The following AFF3 variants were observed in gnomAD, a reference collection of about 807,000 sequenced individuals.
AFF3 encodes ALF transcription elongation factor 3, also known as AF4/FMR2 family member 3.
In AFF3, 32 loss-of-function variants were observed where a neutral mutation model predicts 129.7. The ratio of observed to expected loss-of-function variants is 0.25; its 90% CI spans 0.19 to 0.33. AFF3 has a LOEUF of 0.33. Ranked by LOEUF, AFF3 falls within the 10% of genes least tolerant of loss-of-function variation. The pLI is 1.00. For missense variants in AFF3, 1,373 were observed against 1,592.0 expected (o/e 0.86, Z 2.34); for synonymous variants, 644 against 635.4 (o/e 1.01, Z -0.20).
intron 7 of AFF3, among the ~76,000 whole-genome samples, chr2:99,891,184 C>T (rs927485183): frequency 6.6e-6 from 1 of 151,870 alleles, no homozygotes; most frequent in Non-Finnish European, 1.5e-5. Context: ...ATAACTTCAG[C>T]GAGATCTGGA....
Position 99,939,079 on chromosome 2 carries a change from T to C in AFF3, c.873+67553A>G, listed in dbSNP as rs561149949. Among the ~76,000 whole-genome samples, 20 of 152,346 alleles carry C rather than the reference T, an allele frequency of 1.3e-4. No individual in the cohort carries two copies. The South Asian group carries it at 3.9e-3, about 30-fold the overall frequency. On this transcript the variant is annotated intron_variant, in intron 7 of 24. Coordinates refer to ENST00000672756, the MANE Select transcript of AFF3 (RefSeq NM_001386135.1). The stretch of plus-strand genomic sequence containing the variant: ...GGAAGCACTGTTGCTCTCTCTCTCT[T>C]GGTCTGACATATCCTATTAATCTAA...
intron 8 of AFF3, among the ~76,000 whole-genome samples, chr2:99,785,258 G>A (rs953897913): frequency 6.6e-6 from 1 of 152,132 alleles, no homozygotes; most frequent in African/African-American, 2.4e-5. Flanking sequence ...AAGTGAAATC[G>A]AGAATTACAG....
At chr2:99,553,917 C>CAAAAAAAAAAAAAAAAA (rs1674649199) in intron 24 of AFF3, among the ~76,000 whole-genome samples, 27 of 72,442 alleles carry the variant, frequency 3.7e-4, no homozygotes, top group Admixed American at 9.1e-4. Flanking sequence ...CTGTCTCAAA[C>CAAAAAAAAAAAAAAAAA]CAAAAAAAAA....
intron 7 of AFF3, among the ~76,000 whole-genome samples, chr2:99,867,852 T>C (rs1359308659): frequency 3.3e-5 from 5 of 152,152 alleles, no homozygotes; most frequent in African/African-American, 9.7e-5. Context: ...CACTGGGGCA[T>C]TCCAGACTCT....
intron 8 of AFF3, among the ~76,000 whole-genome samples, chr2:99,805,988 G>A (rs1350058842): frequency 6.6e-6 from 1 of 151,730 alleles, no homozygotes; most frequent in Non-Finnish European, 1.5e-5. Context: ...ATTCTCAAAT[G>A]ACAACTTATT....
chr2:99,723,079 G>A (rs1252499832), intron 11 of AFF3, among the ~76,000 whole-genome samples: 1 of 152,150 alleles, frequency 6.6e-6, no homozygotes, highest in African/African-American at 2.4e-5. Flanking sequence ...CTATCTGCAG[G>A]AGAGTTAGTC....
At chr2:99,697,146 G>T (rs1161062865) in intron 11 of AFF3, among the ~76,000 whole-genome samples, 1 of 152,216 alleles carries the variant, frequency 6.6e-6, no homozygotes, top group Admixed American at 6.5e-5. Flanking sequence ...CCTAGCTCTT[G>T]ATAAGCAGAG....
chr2:99,634,493 C>G (rs375324729), intron 13 of AFF3, among the ~76,000 whole-genome samples: 6 of 152,088 alleles, frequency 3.9e-5, no homozygotes, highest in African/African-American at 1.4e-4. Context: ...GACTGAAGGC[C>G]GGTGCCCAGA....
chr2:99,970,441 G>A lies in AFF3; in HGVS notation c.873+36191C>T, dbSNP rs541245392. 7.9e-5 allele frequency among the ~76,000 whole-genome samples: 12 copies of A among 152,226 alleles called. No homozygotes were observed. The East Asian group carries it at 2.1e-3, about 27-fold the overall frequency. On this transcript the variant is annotated intron_variant, in intron 7 of 24. Transcript: ENST00000672756. ...TTTCCTTTCTTCATTACTAAGTTTG[G>A]TTTAGAATCAATATCTCTATTTCAT...
intron 8 of AFF3, among the ~76,000 whole-genome samples, chr2:99,824,721 C>T (rs1272327063): frequency 6.6e-6 from 1 of 152,054 alleles, no homozygotes; most frequent in African/African-American, 2.4e-5. Flanking sequence ...TGAAGAGGTC[C>T]ACCTACCCTG....
intron 9 of AFF3, among the ~76,000 whole-genome samples, chr2:99,751,284 G>A (rs1166891290): frequency 6.6e-6 from 1 of 152,034 alleles, no homozygotes; most frequent in Non-Finnish European, 1.5e-5. Context: ...GTAGAGATTG[G>A]GTTTCAGCAT....
At chr2:100,129,968 G>A (rs1692356398) in intron 1 of AFF3, among the ~76,000 whole-genome samples, 1 of 152,164 alleles carries the variant, frequency 6.6e-6, no homozygotes, top group Admixed American at 6.5e-5. Context: ...ACTCAATGAA[G>A]CCTTTACACG....
chr2:99,593,165 C>G lies in AFF3; in HGVS notation c.2466+30G>C, dbSNP rs62154469. The G allele has an allele frequency of 7.2e-6, 11 of 1,520,090 alleles. No individual in the cohort carries two copies. In the Admixed American group the frequency reaches 2.2e-4, roughly 31 times the overall value. 94.2% of individuals were successfully genotyped at this position (1,520,090 alleles called of 1,614,324 possible). ...AAGAGATAGCCCCTTCCCCTCCACG[C>G]CCCCGCACCCCAGTCAGCCCCAGGC... On this transcript the variant is annotated intron_variant, in intron 15 of 24. Coordinates refer to ENST00000672756, the MANE Select transcript of AFF3 (RefSeq NM_001386135.1).
chr2:99,546,923 T>C lies in AFF3; in HGVS notation c.*4551A>G, dbSNP rs1674091351. ...CTCAAGCTTCCTGTTGAGCCTTCACTGGGACACTGGGAGCGTGCATGTGCA... is the reference window on the plus strand; with the variant it reads ...CTCAAGCTTCCTGTTGAGCCTTCACCGGGACACTGGGAGCGTGCATGTGCA... On this transcript the variant is annotated 3_prime_UTR_variant, in exon 25 of 25. Coordinates refer to ENST00000672756, the MANE Select transcript of AFF3 (RefSeq NM_001386135.1). 4.5e-6 allele frequency: 1 copy of C among 220,954 alleles called. No individual in the cohort carries two copies. The highest frequency in any genetic ancestry group is 9.1e-6 in the Non-Finnish European group (1 of 110,458). The allele number at this position is 220,954 out of a possible 1,614,324, so 13.7% of individuals were successfully genotyped here. A position where few individuals can be genotyped will look rare whatever the true frequency, so the allele number is the denominator to read the frequency against.
chr2:99,747,191 GCTAA>G (rs554478812), intron 9 of AFF3, among the ~76,000 whole-genome samples: 93 of 152,136 alleles, frequency 6.1e-4, no homozygotes, highest in African/African-American at 1.9e-3. Flanking sequence ...ACCAGGCCCT[GCTAA>G]CTTTTTGTAT....
At chr2:99,691,994 T>A (rs951770052) in intron 11 of AFF3, among the ~76,000 whole-genome samples, 3 of 152,232 alleles carry the variant, frequency 2.0e-5, no homozygotes, top group Non-Finnish European at 4.4e-5. Flanking sequence ...GAAGGCTTTA[T>A]GTACATTTCT....
chr2:99,929,582 C>T (rs1038201092), intron 7 of AFF3, among the ~76,000 whole-genome samples: 1 of 152,126 alleles, frequency 6.6e-6, no homozygotes, highest in Non-Finnish European at 1.5e-5. Flanking sequence ...TATTAATAAT[C>T]TGAATAAACA....
chr2:99,802,934 T>C lies in AFF3; in HGVS notation c.921+34543A>G, dbSNP rs1048461045. Among the ~76,000 whole-genome samples, 53 of 152,140 alleles carry C rather than the reference T, an allele frequency of 3.5e-4. 1 individual carries two copies. Among genetic ancestry groups the C allele is most frequent in the African/African-American group, 4.8e-5 (2 of 41,444 alleles). On this transcript the variant is annotated intron_variant, in intron 8 of 24. Transcript: ENST00000672756. Reference sequence around the variant, plus strand: ...ATAGTTTGACTTCCTCTTTTCCAATTTGAATGCCCTTTAGTTCCTTCTCTT... The same window carrying C: ...ATAGTTTGACTTCCTCTTTTCCAATCTGAATGCCCTTTAGTTCCTTCTCTT...
chr2:99,764,077 G>A (rs571758822), intron 8 of AFF3, among the ~76,000 whole-genome samples: 185 of 152,308 alleles, frequency 1.2e-3, no homozygotes, highest in Non-Finnish European at 2.0e-3. Context: ...TGACAAGTAC[G>A]AAAGTAGCCA....
Sources: allele counts gnomAD v4.1 joint callset (sites outside exome capture counted in the v4.1 genomes callset), GRCh38; gene constraint gnomAD v4.1.1; transcripts MANE v1.5; gene names NCBI Gene and HGNC (gene_info 2026-07-23, HGNC 2026-07-21).